Variants in ALOXE3 observed in about 807,000 individuals in gnomAD.
ALOXE3 encodes the protein arachidonate epidermal lipoxygenase 3.
Under a neutral mutation model 87.5 loss-of-function variants are expected in ALOXE3, and 78 were observed. The ratio of observed to expected loss-of-function variants is 0.89; its 90% CI spans 0.74 to 1.08. The LOEUF (loss-of-function observed/expected upper bound fraction) is 1.08. ALOXE3 is among the 50% of genes least tolerant of loss of function. ALOXE3 has a pLI of 0.00. For missense variants in ALOXE3, 946 were observed against 912.4 expected, an observed-to-expected ratio of 1.04 and a Z score of -0.47; for synonymous variants, 363 against 370.8, an observed-to-expected ratio of 0.98 and a Z score of 0.24.
intron 15 of ALOXE3, 68 bp downstream of exon 15, chr17:8,103,255 C>T (rs754451700): frequency 5.3e-5 from 84 of 1,582,036 alleles, no homozygotes; most frequent in Middle Eastern, 1.7e-4. Context: ...AGCCCCCAGA[C>T]GAAGCCACCA....
At chr17:8,116,646 A>G in intron 3 of ALOXE3, 130 bp downstream of exon 3, 4 of 1,129,944 alleles carry the variant, frequency 3.5e-6, no homozygotes, top group Middle Eastern at 2.5e-4. Flanking sequence ...TTTTTCAGAA[A>G]ACATCTACTT....
chr17:8,100,735 C>T (rs80163722), intron 15 of ALOXE3, among the ~76,000 whole-genome samples: 11,721 of 152,260 alleles, frequency 0.077, 604 homozygotes, highest in Middle Eastern at 0.16. Context: ...CCTCTCTCTG[C>T]GGCCTCCTGA....
chr17:8,118,738 T>A (rs770679376), upstream of ALOXE3: 2 of 1,537,250 alleles, frequency 1.3e-6, no homozygotes, highest in Admixed American at 2.0e-5. Flanking sequence ...GAAAGCGAAA[T>A]ACAGCGCCGG....
At chr17:8,103,532 A>G in intron 14 of ALOXE3, 39 bp from the exon 15 acceptor site, 1 of 1,608,596 alleles carries the variant, frequency 6.2e-7, no homozygotes, top group South Asian at 1.1e-5. Context: ...AGTTGGCCAG[A>G]AGGGGAGTAT....
At chr17:8,107,924 A>G (rs1979547669) in intron 13 of ALOXE3, among the ~76,000 whole-genome samples, 1 of 6,434 alleles carries the variant, frequency 1.6e-4, no homozygotes, top group East Asian at 6.9e-4. Flanking sequence ...AAAGAAAGAA[A>G]GAAAGAAAGA....
At position 8,110,375 on chromosome 17, in the gene ALOXE3, C is replaced by T. The variant is rs569741994; in HGVS notation, c.1101+10G>A. On this transcript the variant is annotated intron_variant, in intron 9 of 15. Transcript: ENST00000448843. ...GAGCCCCCATCCCGGGGCGGCGGCG[C>T]CGGGCTCACCTGGATGGCCAAGGGC... 3.7e-5 allele frequency: 60 copies of T among 1,604,156 alleles called. No individual in the cohort carries two copies. In the South Asian group the frequency reaches 6.6e-4, roughly 18 times the overall value.
At chr17:8,118,627 C>G (rs1374224519), upstream of ALOXE3, 1 of 1,536,268 alleles carries the variant, frequency 6.5e-7, no homozygotes, top group African/African-American at 1.4e-5. Context: ...AGGAACAGCT[C>G]CCTGTCACCC....
chr17:8,099,242 T>TATTC (rs1425739539), intron 15 of ALOXE3, among the ~76,000 whole-genome samples: 1 of 152,106 alleles, frequency 6.6e-6, no homozygotes, highest in Non-Finnish European at 1.5e-5. Context: ...TGAAGACAGG[T>TATTC]ATTCTTATTA....
chr17:8,104,590 A>G lies in ALOXE3; in HGVS notation c.1685-375T>C, dbSNP rs552560645. Among the ~76,000 whole-genome samples the G allele has an allele frequency of 1.1e-4, 16 of 152,346 alleles. No individual in the cohort carries two copies. The South Asian group carries it at 2.3e-3, about 22-fold the overall frequency. On this transcript the variant is annotated intron_variant, in intron 13 of 15. Transcript: ENST00000448843. ...GATTTGTTCAAGCACCCAGTATCCA[A>G]CCATCCTCTGCTGGGCTTAGCAGCA...
rs748280126 is a variant in ALOXE3, at chr17:8,109,922, C to CA, written c.1385dup (p.Asp463GlyfsTer58). The CA allele has an allele frequency of 6.5e-7, 1 of 1,550,210 alleles. No individual in the cohort carries two copies. On this transcript the variant is annotated frameshift_variant, in exon 11 of 16. Coordinates refer to ENST00000448843, the MANE Select transcript of ALOXE3 (RefSeq NM_021628.3). LOFTEE classifies it high-confidence loss of function. ...CCCGGCAGGGAGGCCGCACCTGGTC[C>CA]ACGAGGCCCTCGGGGTTGAGCAGCG...
intron 15 of ALOXE3, among the ~76,000 whole-genome samples, chr17:8,098,234 GTTTTTTTT>G (rs71159546): frequency 6.9e-5 from 6 of 87,484 alleles, no homozygotes; most frequent in African/African-American, 2.4e-4. Flanking sequence ...TTTGGTTTTT[GTTTTTTTT>G]TTTTTTTTTT....
At chr17:8,114,828 C>G in intron 5 of ALOXE3, 110 bp downstream of exon 5, 1 of 1,535,460 alleles carries the variant, frequency 6.5e-7, no homozygotes, top group Non-Finnish European at 8.9e-7. Flanking sequence ...TTGAATGAAA[C>G]TGCATTGTCA....
At chr17:8,115,474 G>T in intron 4 of ALOXE3, 133 bp downstream of exon 4, 1 of 904,168 alleles carries the variant, frequency 1.1e-6, no homozygotes, top group Non-Finnish European at 1.8e-6. Context: ...TTAAAGTGGG[G>T]TTAGGTCCAA....
rs768534867 is a variant in ALOXE3 at position 8,107,937 on chromosome 17, GAAA to G, written c.1684+528_1684+530del. On this transcript the variant is annotated intron_variant, in intron 13 of 15. Transcript: ENST00000448843. ...AGAAAGAAAGAAAGAAAGAAAGAAA[GAAA>G]GAAAGAAAGAAAGAAAGAAAGGAAG... 4.4e-4 allele frequency among the ~76,000 whole-genome samples: 2 copies of G among 4,496 alleles called. 1 individual carries two copies. Among genetic ancestry groups the G allele is most frequent in the African/African-American group, 2.6e-3 (2 of 770 alleles). 2.9% of individuals were successfully genotyped at this position (4,496 alleles called of 152,430 possible). A position where few individuals can be genotyped will look rare whatever the true frequency, so the allele number is the denominator to read the frequency against.
intron 3 of ALOXE3, 111 bp from the exon 4 acceptor site, chr17:8,115,799 G>T: frequency 2.8e-6 from 3 of 1,057,802 alleles, no homozygotes; most frequent in Non-Finnish European, 4.4e-6. Flanking sequence ...CCACATCCCT[G>T]TGAAACACGT....
In ALOXE3 at chr17:8,118,320, C is replaced by T; in HGVS notation, c.-313-17G>A. ...TGGGTTCCACTGCGGAGGGAGGGAT[C>T]AGATGCTGAGATGGAGAAAAGGAGG... On this transcript the variant is annotated splice_polypyrimidine_tract_variant and intron_variant, in intron 1 of 15. Coordinates refer to ENST00000448843, the MANE Select transcript of ALOXE3 (RefSeq NM_021628.3). 1 of 1,551,774 alleles carries T rather than the reference C, an allele frequency of 6.4e-7. No individual in the cohort carries two copies. The highest frequency in any genetic ancestry group is 8.7e-7 in the Non-Finnish European group (1 of 1,147,030).
intron 15 of ALOXE3, among the ~76,000 whole-genome samples, chr17:8,099,931 G>A (rs562054405): frequency 1.8e-4 from 28 of 152,026 alleles, no homozygotes; most frequent in Admixed American, 1.1e-3. Context: ...TTAGCCAGGC[G>A]TGGTGATGCC....
At chr17:8,107,877 G>A (rs1187299019) in intron 13 of ALOXE3, among the ~76,000 whole-genome samples, 1 of 3,500 alleles carries the variant, frequency 2.9e-4, no homozygotes, top group Non-Finnish European at 6.8e-4. Flanking sequence ...AAGAAAGAAA[G>A]AAAGAAAGAA....
At chr17:8,106,779 C>T (rs991433433) in intron 13 of ALOXE3, among the ~76,000 whole-genome samples, 2 of 152,070 alleles carry the variant, frequency 1.3e-5, no homozygotes, top group African/African-American at 4.8e-5. Flanking sequence ...GTGTGTTTTC[C>T]CTTTTTAAAT....
Sources: gnomAD v4.1 joint callset for allele counts (sites outside exome capture counted in the v4.1 genomes callset) on GRCh38, gnomAD v4.1.1 for gene constraint, MANE v1.5 for transcripts, NCBI Gene and HGNC (gene_info 2026-07-23, HGNC 2026-07-21) for gene names.